The following COL5A2 variants were observed in gnomAD, a reference collection of about 807,000 sequenced individuals.
The protein encoded by COL5A2 is collagen alpha-2(V) chain.
In COL5A2, 23 loss-of-function variants were observed where a neutral mutation model predicts 208.2. The observed-to-expected ratio is 0.11, with a 90% CI of 0.08 to 0.16. The LOEUF is 0.16. Among genes scored for constraint, COL5A2 ranks in the 10% least tolerant of loss-of-function variants. COL5A2 has a pLI of 1.00. For missense variants in COL5A2, 1,590 were observed against 1,956.4 expected (o/e 0.81, Z 3.53); for synonymous variants, 625 against 628.5 (o/e 0.99, Z 0.08).
At chr2:189,045,539 C>T (rs1685648072) in intron 46 of COL5A2, among the ~76,000 whole-genome samples, 1 of 152,172 alleles carries the variant, frequency 6.6e-6, no homozygotes, top group African/African-American at 2.4e-5. Flanking sequence ...TAACATGATG[C>T]ATACTTATTA....
intron 52 of COL5A2, 41 bp from the exon 53 acceptor site, chr2:189,035,196 G>T (rs774836735): frequency 1.2e-6 from 2 of 1,612,846 alleles, no homozygotes; most frequent in Non-Finnish European, 1.7e-6. Flanking sequence ...AAGACTGAAG[G>T]GTTTCATAAT....
chr2:189,416,694 T>C, the COL5A2 span, among the ~76,000 whole-genome samples: 1,520 of 152,336 alleles, frequency 1.0e-2, 19 homozygotes, highest in Non-Finnish European at 0.017. Flanking sequence ...ACATGTACCC[T>C]AAAACTTAAA....
chr2:189,170,110 G>C (rs1383269933), intron 1 of COL5A2, among the ~76,000 whole-genome samples: 1 of 151,442 alleles, frequency 6.6e-6, no homozygotes, highest in Non-Finnish European at 1.5e-5. Flanking sequence ...GTAGGTGTTA[G>C]ATAGATAGAT....
the COL5A2 span, among the ~76,000 whole-genome samples, chr2:189,380,174 A>AT: frequency 6.6e-6 from 1 of 152,072 alleles, no homozygotes. Flanking sequence ...GATGAATGGA[A>AT]TGGGATAATA....
intron 1 of COL5A2, among the ~76,000 whole-genome samples, chr2:189,169,734 G>A (rs1206408826): frequency 6.6e-6 from 1 of 152,090 alleles, no homozygotes; most frequent in Non-Finnish European, 1.5e-5. Flanking sequence ...TTTTTGAGAC[G>A]GATTTTTGCT....
At chr2:189,358,958 A>C in the COL5A2 span, among the ~76,000 whole-genome samples, 1 of 151,684 alleles carries the variant, frequency 6.6e-6, no homozygotes, top group Non-Finnish European at 1.5e-5. Context: ...TATCAATTCT[A>C]ACAGTGTTTT....
the COL5A2 span, among the ~76,000 whole-genome samples, chr2:189,283,178 TAAAGAGGAAGG>T: frequency 7.5e-6 from 1 of 132,840 alleles, no homozygotes; most frequent in Non-Finnish European, 1.6e-5. Flanking sequence ...TGTTTGAAAA[TAAAGAGGAAGG>T]AAAGAGGAAG....
intron 18 of COL5A2, among the ~76,000 whole-genome samples, chr2:189,070,859 A>T (rs1015119122): frequency 4.6e-5 from 7 of 152,216 alleles, no homozygotes; most frequent in Admixed American, 3.3e-4. Flanking sequence ...ACCCAACAAG[A>T]TCCCACCCAC....
At chr2:189,440,893 C>T in the COL5A2 span, among the ~76,000 whole-genome samples, 1 of 152,224 alleles carries the variant, frequency 6.6e-6, no homozygotes, top group Admixed American at 6.5e-5. Flanking sequence ...GGAGTAGGAG[C>T]CAGATTTCCA....
intron 1 of COL5A2, among the ~76,000 whole-genome samples, chr2:189,196,925 G>GA (rs1689008281): frequency 6.6e-6 from 1 of 152,020 alleles, no homozygotes; most frequent in Admixed American, 6.6e-5. Context: ...AATACCATTT[G>GA]ACCCAGCAAT....
chr2:189,358,369 T>C, the COL5A2 span, among the ~76,000 whole-genome samples: 1 of 152,172 alleles, frequency 6.6e-6, no homozygotes, highest in Non-Finnish European at 1.5e-5. Flanking sequence ...TTGCAGCCCA[T>C]GGATCAAGGA....
chr2:189,355,895 G>A, the COL5A2 span, among the ~76,000 whole-genome samples: 1 of 152,186 alleles, frequency 6.6e-6, no homozygotes, highest in African/African-American at 2.4e-5. Flanking sequence ...AATTTGGTAT[G>A]TTTTTGCAGT....
chr2:189,282,800 G>A, the COL5A2 span, among the ~76,000 whole-genome samples: 1 of 152,076 alleles, frequency 6.6e-6, no homozygotes, highest in African/African-American at 2.4e-5. Flanking sequence ...CAAGAGATTA[G>A]AACAAGTGGG....
chr2:189,184,418 T>C (rs1238019900), upstream of COL5A2, among the ~76,000 whole-genome samples: 5 of 152,216 alleles, frequency 3.3e-5, no homozygotes, highest in Admixed American at 1.3e-4. Context: ...TAATATCTTA[T>C]ATTTCAGAAG....
At chr2:189,332,385 C>T in the COL5A2 span, among the ~76,000 whole-genome samples, 9 of 152,164 alleles carry the variant, frequency 5.9e-5, no homozygotes, top group Non-Finnish European at 5.9e-5. Flanking sequence ...AGAACATATA[C>T]TGGGCCATAA....
chr2:189,366,582 G>A, the COL5A2 span, among the ~76,000 whole-genome samples: 2 of 152,228 alleles, frequency 1.3e-5, no homozygotes, highest in Non-Finnish European at 2.9e-5. Flanking sequence ...CATTCCTCAA[G>A]CACCAGGCAT....
chr2:189,239,272 C>A, the COL5A2 span, among the ~76,000 whole-genome samples: 123 of 151,982 alleles, frequency 8.1e-4, no homozygotes, highest in African/African-American at 2.9e-3. Context: ...GAATAATGGC[C>A]TCACAAAATG....
In COL5A2 at chr2:189,068,777, GA is replaced by G; in HGVS notation, c.1257+8del. 1 of 1,599,470 alleles carries G rather than the reference GA, an allele frequency of 6.3e-7. No homozygotes were observed. ...TCTGGGCTGGTTCTTAAATATGCTA[GA>G]AACTTACAGGAAGACCTGGAGAGCC... is the stretch of plus-strand genomic sequence containing the variant. On this transcript the variant is annotated splice_region_variant and intron_variant, in intron 19 of 53. Coordinates refer to ENST00000374866, the MANE Select transcript of COL5A2 (RefSeq NM_000393.5).
At chr2:189,093,405 A>G (rs576683502) in intron 6 of COL5A2, among the ~76,000 whole-genome samples, 24 of 152,316 alleles carry the variant, frequency 1.6e-4, no homozygotes, top group African/African-American at 5.8e-4. Context: ...ATGCTTAAAC[A>G]TGAGAATACC....
Sources: gnomAD v4.1 joint callset for allele counts (sites outside exome capture counted in the v4.1 genomes callset) on GRCh38, gnomAD v4.1.1 for gene constraint, MANE v1.5 for transcripts, NCBI Gene and HGNC (gene_info 2026-07-23, HGNC 2026-07-21) for gene names.